CDK4: variants seen among roughly 807,000 people sequenced by gnomAD.
CDK4 encodes cyclin dependent kinase 4.
In CDK4, 13 loss-of-function variants were observed where a neutral mutation model predicts 36.7. The observed-to-expected ratio is 0.35, with a 90% CI of 0.23 to 0.56. The LOEUF (loss-of-function observed/expected upper bound fraction) is 0.56. Ranked by LOEUF, CDK4 falls within the 20% of genes least tolerant of loss-of-function variation. The pLI, the probability that CDK4 is intolerant of heterozygous loss-of-function variation, is 0.85. For missense variants in CDK4, 285 were observed against 387.3 expected, an observed-to-expected ratio of 0.74 and a Z score of 2.22; for synonymous variants, 158 against 146.4, an observed-to-expected ratio of 1.08 and a Z score of -0.57.
At position 57,751,709 on chromosome 12, in the gene CDK4, G is replaced by C. The variant is rs2140388799; in HGVS notation, c.9C>G (p.Thr3=). ...TTTCAGCCACTGGCTCATATCGAGA[G>C]GTAGCCATTCTCAGATCAAGGGAGA... The part of the protein sequence containing the change: MA[T]SRYEPVAEIG... Residue 3 remains threonine (T), a synonymous_variant, in exon 2 of 8, where the codon ACC becomes ACG. Transcript: ENST00000257904. The surrounding 1 kb of genome is among the most constrained non-coding windows in gnomAD (Gnocchi z 4.5). The C allele has an allele frequency of 6.2e-7, 1 of 1,614,114 alleles. No homozygotes were observed. The highest frequency in any genetic ancestry group is 8.5e-7 in the Non-Finnish European group (1 of 1,180,010).
At position 57,749,719 on chromosome 12, in the gene CDK4, C is replaced by T. The variant is rs73338241; in HGVS notation, c.633-215G>A. 685 of 602,672 alleles carry T rather than the reference C, an allele frequency of 1.1e-3. 3 individuals are homozygous for T. The highest frequency in any genetic ancestry group is 0.011 in the African/African-American group (607 of 53,986). 37.3% of individuals were successfully genotyped at this position (602,672 alleles called of 1,614,324 possible). ...CTCTTTTTTTAAAAAAAAAGAAATG[C>T]CAGGTGCAGCGGCTCACGCCTGTAA... is the stretch of plus-strand genomic sequence containing the variant. On this transcript the variant is annotated intron_variant, in intron 5 of 7. Coordinates refer to ENST00000257904, the MANE Select transcript of CDK4 (RefSeq NM_000075.4).
At chr12:57,749,126 CTATT>C (rs1208642646) in intron 7 of CDK4, 52 bp downstream of exon 7, 2 of 1,610,354 alleles carry the variant, frequency 1.2e-6, no homozygotes, top group Non-Finnish European at 1.7e-6. Flanking sequence ...GCATACTGCT[CTATT>C]TCTTTCCCCA....
intron 7 of CDK4, 91 bp from the exon 8 acceptor site, chr12:57,748,708 CTT>C (rs545773931): frequency 8.4e-3 from 5,619 of 671,708 alleles, no homozygotes; most frequent in Non-Finnish European, 9.6e-3. Context: ...CTTCTTTTTT[CTT>C]TTTTTTTTTT....
chr12:57,748,238 C>T lies in CDK4; in HGVS notation c.*287G>A. ...AGAAACATTAAAAAAAAAAAAAAGA[C>T]CATTATTTCTTTGTTTTGTTTTTCC... On this transcript the variant is annotated 3_prime_UTR_variant, in exon 8 of 8. Coordinates refer to ENST00000257904, the MANE Select transcript of CDK4 (RefSeq NM_000075.4). 1 of 355,254 alleles carries T rather than the reference C, an allele frequency of 2.8e-6. No individual in the cohort carries two copies. Among genetic ancestry groups the T allele is most frequent in the East Asian group, 4.7e-5 (1 of 21,214 alleles). The allele number at this position is 355,254 out of a possible 1,614,324, so 22.0% of individuals were successfully genotyped here.
rs778325523 is a variant in CDK4, at chr12:57,751,703, T to C, written c.15A>G (p.Arg5=). 7 of 1,614,014 alleles carry C rather than the reference T, an allele frequency of 4.3e-6. No individual in the cohort carries two copies. In the South Asian group the frequency reaches 7.7e-5, roughly 18 times the overall value. The part of the protein sequence containing the change: MATS[R]YEPVAEIGVG... The stretch of plus-strand genomic sequence containing the variant: ...CACCAATTTCAGCCACTGGCTCATA[T>C]CGAGAGGTAGCCATTCTCAGATCAA... The change falls in exon 2 of 8, where the codon CGA becomes CGG. Residue 5 remains arginine (R), a synonymous_variant. Transcript: ENST00000257904. This position sits in a 1 kb window ranked among gnomAD's most constrained non-coding sequence, Gnocchi z 4.5.
rs958236270 is a variant in CDK4, at chr12:57,747,743, T to C, written c.*782A>G. 6.2e-6 allele frequency: 1 copy of C among 161,098 alleles called. No homozygotes were observed. The highest frequency in any genetic ancestry group is 2.4e-5 in the African/African-American group (1 of 41,586). 10.0% of individuals were successfully genotyped at this position (161,098 alleles called of 1,614,324 possible). On this transcript the variant is annotated 3_prime_UTR_variant, in exon 8 of 8. Coordinates refer to ENST00000257904, the MANE Select transcript of CDK4 (RefSeq NM_000075.4). ...AAAGTAAAAGCCATTTAAAAATCTA[T>C]ATTCTTTTTTTTTTTTTGACACAGA...
rs1009008718 is a variant in CDK4 at position 57,752,243 on chromosome 12, C to T, written c.-88G>A. 4.2e-5 allele frequency: 10 copies of T among 236,764 alleles called. No homozygotes were observed. The highest frequency in any genetic ancestry group is 7.6e-5 in the Non-Finnish European group (9 of 118,950). The allele number at this position is 236,764 out of a possible 1,614,324, so 14.7% of individuals were successfully genotyped here. A position where few individuals can be genotyped will look rare whatever the true frequency, so the allele number is the denominator to read the frequency against. Reference sequence around the variant, plus strand: ...GCCCCGGAGCCGGTTCCTACGGCCCCATACACCCGAGCTCGGTCCGGAGCA... The same window carrying T: ...GCCCCGGAGCCGGTTCCTACGGCCCTATACACCCGAGCTCGGTCCGGAGCA... On this transcript the variant is annotated 5_prime_UTR_variant, in exon 1 of 8. An upstream start codon of the reference 5' UTR is lost. Coordinates refer to ENST00000257904, the MANE Select transcript of CDK4 (RefSeq NM_000075.4).
In CDK4 at chr12:57,750,633, T is replaced by C. The variant is rs760843548; in HGVS notation, c.632+23A>G. 2.7e-6 allele frequency: 4 copies of C among 1,505,708 alleles called. No individual in the cohort carries two copies. The East Asian group carries it at 9.0e-5, about 34-fold the overall frequency. 93.3% of individuals were successfully genotyped at this position (1,505,708 alleles called of 1,614,324 possible). A position where few individuals can be genotyped will look rare whatever the true frequency, so the allele number is the denominator to read the frequency against. ...AAGCGATTTGGGGAATTCAAGGTAGTCCAGGGTATGTGGGTCCCATACTTT... is the reference window on the plus strand; with the variant it reads ...AAGCGATTTGGGGAATTCAAGGTAGCCCAGGGTATGTGGGTCCCATACTTT... On this transcript the variant is annotated intron_variant, in intron 5 of 7. Coordinates refer to ENST00000257904, the MANE Select transcript of CDK4 (RefSeq NM_000075.4).
Position 57,747,787 on chromosome 12 carries a change from G to T in CDK4, c.*738C>A. ...ACACAGAGTCTTGCTCTGTTGCCCA[G>T]GCTGGAGTGCAATGGCATGATCTCG... On this transcript the variant is annotated 3_prime_UTR_variant, in exon 8 of 8. Transcript: ENST00000257904. 1 of 164,638 alleles carries T rather than the reference G, an allele frequency of 6.1e-6. No homozygotes were observed. The highest frequency in any genetic ancestry group is 1.3e-5 in the Non-Finnish European group (1 of 75,550). 10.2% of individuals were successfully genotyped at this position (164,638 alleles called of 1,614,324 possible). A position where few individuals can be genotyped will look rare whatever the true frequency, so the allele number is the denominator to read the frequency against.
chr12:57,751,859 TC>T lies in CDK4; in HGVS notation c.-19-124del. The T allele has an allele frequency of 1.4e-6, 1 of 712,656 alleles. No homozygotes were observed. Among genetic ancestry groups the T allele is most frequent in the Non-Finnish European group, 2.4e-6 (1 of 408,342 alleles). 44.1% of individuals were successfully genotyped at this position (712,656 alleles called of 1,614,324 possible). A position where few individuals can be genotyped will look rare whatever the true frequency, so the allele number is the denominator to read the frequency against. On this transcript the variant is annotated intron_variant, in intron 1 of 7. Transcript: ENST00000257904. This position sits in a 1 kb window ranked among gnomAD's most constrained non-coding sequence, Gnocchi z 4.5. ...ACACCACCAGCATCCCATCCCCCGCTCCCAGTCTTCCTTGGGGCCGGCCCCA... is the reference window on the plus strand; with the variant it reads ...ACACCACCAGCATCCCATCCCCCGCTCCAGTCTTCCTTGGGGCCGGCCCCA...
chr12:57,748,832 A>T, intron 7 of CDK4: 3 of 565,218 alleles, frequency 5.3e-6, no homozygotes, highest in South Asian at 4.0e-5. Context: ...CAGCCTCCCA[A>T]GTAGCTGAGA....
chr12:57,748,381 A>C lies in CDK4; in HGVS notation c.*144T>G. The stretch of plus-strand genomic sequence containing the variant: ...CCTCAAAAGGAGAGGTGGGAGGGGA[A>C]TGTCATTAAGGCAGCAAAGTAATCT... On this transcript the variant is annotated 3_prime_UTR_variant, in exon 8 of 8. Coordinates refer to ENST00000257904, the MANE Select transcript of CDK4 (RefSeq NM_000075.4). 2.7e-6 allele frequency: 2 copies of C among 738,606 alleles called. No individual in the cohort carries two copies. The highest frequency in any genetic ancestry group is 5.0e-6 in the Non-Finnish European group (2 of 399,644). The allele number at this position is 738,606 out of a possible 1,614,324, so 45.8% of individuals were successfully genotyped here. A position where few individuals can be genotyped will look rare whatever the true frequency, so the allele number is the denominator to read the frequency against.
At chr12:57,750,400 T>C in intron 5 of CDK4, 1 of 440,986 alleles carries the variant, frequency 2.3e-6, no homozygotes. Flanking sequence ...ACCCCATCTC[T>C]ATAAAAATAT....
At chr12:57,749,369 C>CATGGG in intron 6 of CDK4, 52 bp from the exon 7 acceptor site, 1 of 1,613,522 alleles carries the variant, frequency 6.2e-7, no homozygotes, top group Admixed American at 1.7e-5. Context: ...TTCCCATCCC[C>CATGGG]ATGGGCAGAG....
Position 57,749,208 on chromosome 12 carries a change from C to T in CDK4, c.793G>A (p.Glu265Lys), listed in dbSNP as rs769226197. ...AGCAGCAGCTGTGCTCCCGACTCCT[C>T]CATCTCAGGTACCACCGACTGCACT... ...RPVQSVVPEM[E>K]ESGAQLLLEM... Residue 265 changes from glutamate to lysine, a missense_variant, in exon 7 of 8, where the codon GAG (glutamate) becomes AAG (lysine). Coordinates refer to ENST00000257904, the MANE Select transcript of CDK4 (RefSeq NM_000075.4). The T allele has an allele frequency of 6.2e-7, 1 of 1,614,044 alleles. No homozygotes were observed. Among genetic ancestry groups the T allele is most frequent in the Non-Finnish European group, 8.5e-7 (1 of 1,179,892 alleles).
Position 57,749,233 on chromosome 12 carries a change from T to C in CDK4, c.768A>G (p.Pro256=), listed in dbSNP as rs752435107. The C allele has an allele frequency of 6.2e-7, 1 of 1,614,056 alleles. No homozygotes were observed. Among genetic ancestry groups the C allele is most frequent in the Non-Finnish European group, 8.5e-7 (1 of 1,179,904 alleles). ...CCATCTCAGGTACCACCGACTGCACTGGGCGGGGCCCTCTGGGGGGAAAGG... is the reference window on the plus strand; with the variant it reads ...CCATCTCAGGTACCACCGACTGCACCGGGCGGGGCCCTCTGGGGGGAAAGG... ...RGAFPPRGPR[P]VQSVVPEMEE... is the part of the protein sequence containing the mutation. Residue 256 remains proline (P), a synonymous_variant, in exon 7 of 8, where the codon CCA becomes CCG. Coordinates refer to ENST00000257904, the MANE Select transcript of CDK4 (RefSeq NM_000075.4).
At position 57,751,386 on chromosome 12, in the gene CDK4, C is replaced by CA. The variant is rs1955235691; in HGVS notation, c.219-45dup. On this transcript the variant is annotated intron_variant, in intron 2 of 7. Coordinates refer to ENST00000257904, the MANE Select transcript of CDK4 (RefSeq NM_000075.4). The surrounding 1 kb of genome is among the most constrained non-coding windows in gnomAD (Gnocchi z 4.5). The stretch of plus-strand genomic sequence containing the variant: ...CACTTTTCAATCCCCTTTAACCCAA[C>CA]ATGGCCTCTCATTATTTCCTCAGGG... 4 of 1,613,920 alleles carry CA rather than the reference C, an allele frequency of 2.5e-6. No homozygotes were observed. The highest frequency in any genetic ancestry group is 3.4e-6 in the Non-Finnish European group (4 of 1,179,936).
At chr12:57,750,180 TAAATAAATAAATAAATAAAA>T (rs1955217944) in intron 5 of CDK4, 1 of 149,752 alleles carries the variant, frequency 6.7e-6, no homozygotes, top group Non-Finnish European at 1.5e-5. Context: ...AATAAATAAA[TAAATAAATAAATAAATAAAA>T]AATAAAGAGA....
At chr12:57,750,599 T>C (rs754725588) in intron 5 of CDK4, 57 bp downstream of exon 5, 5 of 1,218,812 alleles carry the variant, frequency 4.1e-6, no homozygotes, top group Non-Finnish European at 6.1e-6. Context: ...ATGGATGTGG[T>C]TTATGAACAA....
Sources: allele counts gnomAD v4.1 joint callset, GRCh38; gene constraint gnomAD v4.1.1; non-coding constraint Gnocchi (gnomAD v3.1); transcripts MANE v1.5; gene names NCBI Gene and HGNC (gene_info 2026-07-23, HGNC 2026-07-21).